Variants in ACTR3B observed in about 807,000 individuals in gnomAD.
ACTR3B encodes actin related protein 3B.
ACTR3B carries 8 observed loss-of-function variants against 59.0 expected under a neutral mutation model. The observed-to-expected ratio is 0.14, with a 90% confidence interval of 0.08 to 0.24. The LOEUF is 0.24. ACTR3B is among the 10% of genes least tolerant of loss of function. The pLI is 1.00. For synonymous variants in ACTR3B, 148 were observed against 197.9 expected, an observed-to-expected ratio of 0.75 and a Z score of 2.12; for missense variants, 245 against 552.3, an observed-to-expected ratio of 0.44 and a Z score of 5.58.
At chr7:152,796,096 C>T (rs1403487658) in intron 2 of ACTR3B, among the ~76,000 whole-genome samples, 3 of 152,122 alleles carry the variant, frequency 2.0e-5, no homozygotes, top group Admixed American at 1.3e-4. Context: ...CTACCCGCCT[C>T]GACCTCCTAA....
chr7:152,843,301 A>G (rs1298914514), intron 9 of ACTR3B, among the ~76,000 whole-genome samples: 2 of 152,194 alleles, frequency 1.3e-5, no homozygotes, highest in Non-Finnish European at 2.9e-5. Context: ...TTTTCAAAGA[A>G]ATTTTGTACT....
intron 9 of ACTR3B, among the ~76,000 whole-genome samples, chr7:152,847,686 A>G (rs1325042375): frequency 6.6e-6 from 1 of 152,180 alleles, no homozygotes; most frequent in Non-Finnish European, 1.5e-5. Context: ...GAGCCCGTGC[A>G]CACAGTTCTG....
chr7:152,806,726 A>T (rs2689437), intron 4 of ACTR3B, among the ~76,000 whole-genome samples: 5 of 152,004 alleles, frequency 3.3e-5, no homozygotes, highest in African/African-American at 7.3e-5. Flanking sequence ...TGGCAACCAT[A>T]CTCCAGCTTT....
intron 9 of ACTR3B, among the ~76,000 whole-genome samples, chr7:152,832,203 A>G (rs1355218712): frequency 6.6e-6 from 1 of 152,022 alleles, no homozygotes; most frequent in Non-Finnish European, 1.5e-5. Context: ...CTGCTTATCT[A>G]GGAGGGTGGG....
chr7:152,798,628 G>A (rs1316873909), intron 2 of ACTR3B, among the ~76,000 whole-genome samples: 3 of 152,084 alleles, frequency 2.0e-5, no homozygotes, highest in South Asian at 2.1e-4. Context: ...GCATTTTACC[G>A]TTTTCTTCTA....
chr7:152,850,129 C>T (rs1229335804), intron 9 of ACTR3B, among the ~76,000 whole-genome samples: 2 of 151,020 alleles, frequency 1.3e-5, no homozygotes, highest in Admixed American at 6.6e-5. Flanking sequence ...AGGTAGAAGG[C>T]CAGATCTCTG....
chr7:152,833,763 A>G (rs2116921033), intron 9 of ACTR3B, among the ~76,000 whole-genome samples: 1 of 152,266 alleles, frequency 6.6e-6, no homozygotes, highest in African/African-American at 2.4e-5. Context: ...GGCGTTTATA[A>G]TGGTATGTGC....
At chr7:152,767,609 C>T (rs1447248102) in intron 1 of ACTR3B, among the ~76,000 whole-genome samples, 2 of 152,144 alleles carry the variant, frequency 1.3e-5, no homozygotes, top group Non-Finnish European at 2.9e-5. Context: ...AATACTGAGT[C>T]TTCCCATCAA....
chr7:152,772,369 A>G (rs1486212872), intron 1 of ACTR3B, among the ~76,000 whole-genome samples: 1 of 149,490 alleles, frequency 6.7e-6, no homozygotes, highest in Admixed American at 6.6e-5. Flanking sequence ...CCTGCCCCCT[A>G]AAAGAAAAAG....
chr7:152,804,062 TC>T (rs1563109899), intron 4 of ACTR3B, among the ~76,000 whole-genome samples: 1 of 152,144 alleles, frequency 6.6e-6, no homozygotes, highest in African/African-American at 2.4e-5. Flanking sequence ...CACAGAATTA[TC>T]CTTTCTGATG....
At chr7:152,797,418 C>A (rs2116713313) in intron 2 of ACTR3B, among the ~76,000 whole-genome samples, 1 of 152,262 alleles carries the variant, frequency 6.6e-6, no homozygotes, top group African/African-American at 2.4e-5. Flanking sequence ...TGACAGATAA[C>A]ATTGTGTGTT....
chr7:152,792,443 AT>A (rs1188503602), intron 2 of ACTR3B, among the ~76,000 whole-genome samples: 17 of 149,770 alleles, frequency 1.1e-4, no homozygotes, highest in Admixed American at 3.3e-4. Context: ...ATATTTATTT[AT>A]TTTTTTTTAA....
chr7:152,854,921 G>A lies in ACTR3B; in HGVS notation c.*368G>A, dbSNP rs1046838126. 3 of 179,016 alleles carry A rather than the reference G, an allele frequency of 1.7e-5. No homozygotes were observed. The highest frequency in any genetic ancestry group is 1.8e-4 in the South Asian group (1 of 5,486). The allele number at this position is 179,016 out of a possible 1,614,324, so 11.1% of individuals were successfully genotyped here. A position where few individuals can be genotyped will look rare whatever the true frequency, so the allele number is the denominator to read the frequency against. ...TTAGGTCCCAGGAGAGAATGTGGGG[G>A]CGCAAACCCTTTTCCTCCCAGCCTA... is the stretch of plus-strand genomic sequence containing the variant. On this transcript the variant is annotated 3_prime_UTR_variant, in exon 12 of 12. Coordinates refer to ENST00000256001, the MANE Select transcript of ACTR3B (RefSeq NM_020445.6). The surrounding 1 kb of genome is among the most constrained non-coding windows in gnomAD (Gnocchi z 4.9).
intron 9 of ACTR3B, among the ~76,000 whole-genome samples, chr7:152,834,713 T>G (rs976097368): frequency 1.1e-4 from 16 of 152,252 alleles, no homozygotes; most frequent in Non-Finnish European, 2.2e-4. Flanking sequence ...GGTCAAGATT[T>G]ATTGCATTAC....
intron 9 of ACTR3B, among the ~76,000 whole-genome samples, chr7:152,845,092 T>G (rs1481783814): frequency 2.7e-5 from 4 of 150,260 alleles, no homozygotes; most frequent in African/African-American, 9.8e-5. Context: ...CACCTGCAAC[T>G]GTGAGTGTCT....
chr7:152,778,000 C>CTT (rs879502789), intron 1 of ACTR3B, among the ~76,000 whole-genome samples: 18 of 151,822 alleles, frequency 1.2e-4, no homozygotes, highest in Non-Finnish European at 1.0e-4. Context: ...TCCCAAAATC[C>CTT]TTTTCATTTA....
At chr7:152,796,876 T>TG (rs2098218742) in intron 2 of ACTR3B, among the ~76,000 whole-genome samples, 5 of 62,992 alleles carry the variant, frequency 7.9e-5, no homozygotes, top group East Asian at 5.5e-4. Flanking sequence ...TTTTTTTTTT[T>TG]TTTTTTTTTT....
chr7:152,779,421 G>T (rs2098144856), intron 1 of ACTR3B, among the ~76,000 whole-genome samples: 1 of 152,082 alleles, frequency 6.6e-6, no homozygotes, highest in African/African-American at 2.4e-5. Context: ...GTAACTAATA[G>T]GTAAACATTT....
chr7:152,787,613 A>C (rs539610991), intron 2 of ACTR3B, among the ~76,000 whole-genome samples: 1 of 152,204 alleles, frequency 6.6e-6, no homozygotes, highest in East Asian at 1.9e-4. Flanking sequence ...TTCCATGCGG[A>C]AGGCTAGTTG....
Sources: gnomAD v4.1 joint callset for allele counts (sites outside exome capture counted in the v4.1 genomes callset) on GRCh38, gnomAD v4.1.1 for gene constraint, Gnocchi (gnomAD v3.1) non-coding constraint, MANE v1.5 for transcripts, NCBI Gene and HGNC (gene_info 2026-07-23, HGNC 2026-07-21) for gene names.